DPP6: variants seen among roughly 807,000 people sequenced by gnomAD.
The protein encoded by DPP6 is A-type potassium channel modulatory protein DPP6.
A neutral mutation model predicts 122.6 loss-of-function variants in DPP6; 69 were observed. That is an observed-to-expected ratio of 0.56 (90% CI 0.46 to 0.69). The LOEUF (loss-of-function observed/expected upper bound fraction) is 0.69, where lower values mean the gene tolerates loss of function less well. DPP6 is among the 30% of genes least tolerant of loss of function. DPP6 has a pLI of 0.00. For missense variants in DPP6, 928 were observed against 1,116.9 expected, an observed-to-expected ratio of 0.83 and a Z score of 2.41; for synonymous variants, 418 against 433.1, an observed-to-expected ratio of 0.97 and a Z score of 0.43.
intron 1 of DPP6, among the ~76,000 whole-genome samples, chr7:154,011,074 C>G (rs1216679113): frequency 1.3e-5 from 2 of 152,164 alleles, no homozygotes; most frequent in Non-Finnish European, 2.9e-5. Context: ...CATAATACCC[C>G]TATCCCTCTC....
chr7:154,799,969 T>C (rs1458160576), intron 12 of DPP6, among the ~76,000 whole-genome samples: 1 of 152,210 alleles, frequency 6.6e-6, no homozygotes, highest in Non-Finnish European at 1.5e-5. Context: ...GTGGAGGCCT[T>C]CTTATTATAA....
chr7:154,664,371 C>T (rs1838007799), intron 6 of DPP6, among the ~76,000 whole-genome samples: 2 of 152,236 alleles, frequency 1.3e-5, no homozygotes. Flanking sequence ...TAATCCCCTG[C>T]TGTTTCTGAA....
Position 154,781,178 on chromosome 7 carries a change from GTAGA to G in DPP6, c.1136+8238_1136+8241del, listed in dbSNP as rs575151224. On this transcript the variant is annotated intron_variant, in intron 10 of 25. Coordinates refer to ENST00000377770, the MANE Select transcript of DPP6 (RefSeq NM_130797.4). ...TATGGATGGGTGAGAGGAATGAACA[GTAGA>G]TGGATGGATGGATGGATGGACAGAC... 4.6e-5 allele frequency among the ~76,000 whole-genome samples: 7 copies of G among 152,132 alleles called. No individual in the cohort carries two copies. The South Asian group carries it at 1.5e-3, about 32-fold the overall frequency.
intron 25 of DPP6, 197 bp downstream of exon 25, chr7:154,889,727 T>C (rs1348925372): frequency 1.2e-6 from 1 of 824,072 alleles, no homozygotes; most frequent in East Asian, 2.7e-5. Flanking sequence ...AGCTCCGCTC[T>C]GTACTTCAGC....
chr7:153,864,170 C>A, the DPP6 span, among the ~76,000 whole-genome samples: 1 of 152,192 alleles, frequency 6.6e-6, no homozygotes, highest in South Asian at 2.1e-4. Context: ...CTGTGTTTCA[C>A]AACAACTTCA....
At chr7:154,311,508 AAAAG>A (rs1467562060) in intron 1 of DPP6, among the ~76,000 whole-genome samples, 21 of 151,928 alleles carry the variant, frequency 1.4e-4, no homozygotes, top group African/African-American at 3.4e-4. Flanking sequence ...ACAAAAAAAA[AAAAG>A]AAAAAGAAAA....
At chr7:153,822,479 C>A in the DPP6 span, among the ~76,000 whole-genome samples, 1 of 152,156 alleles carries the variant, frequency 6.6e-6, no homozygotes, top group Non-Finnish European at 1.5e-5. Context: ...GCATGAGCCA[C>A]TGTGCCCGGT....
intron 1 of DPP6, among the ~76,000 whole-genome samples, chr7:154,132,805 G>T (rs1187766092): frequency 1.3e-5 from 2 of 151,996 alleles, no homozygotes; most frequent in Non-Finnish European, 1.5e-5. Flanking sequence ...AAACCACATG[G>T]CACAGCTCCC....
chr7:154,218,396 A>G (rs1800122330), intron 1 of DPP6, among the ~76,000 whole-genome samples: 1 of 152,188 alleles, frequency 6.6e-6, no homozygotes, highest in African/African-American at 2.4e-5. Context: ...ATATTAAATC[A>G]GATTACTTGG....
chr7:154,464,233 A>G (rs1285549443), intron 2 of DPP6, among the ~76,000 whole-genome samples: 1 of 152,142 alleles, frequency 6.6e-6, no homozygotes, highest in Non-Finnish European at 1.5e-5. Flanking sequence ...ACTCTGTGAC[A>G]AAGCAACACT....
intron 8 of DPP6, among the ~76,000 whole-genome samples, chr7:154,740,049 G>A (rs1842746962): frequency 6.6e-6 from 1 of 152,184 alleles, no homozygotes; most frequent in South Asian, 2.1e-4. Context: ...AATCTAAAGG[G>A]AGAATGTTCT....
chr7:154,512,472 GC>G (rs1292898194), intron 3 of DPP6, among the ~76,000 whole-genome samples: 17 of 152,262 alleles, frequency 1.1e-4, no homozygotes, highest in African/African-American at 4.1e-4. Context: ...GACTGTTAAA[GC>G]CCTTTGCTCA....
At chr7:154,219,251 A>G (rs79433757) in intron 1 of DPP6, among the ~76,000 whole-genome samples, 2,300 of 152,320 alleles carry the variant, frequency 0.015, 40 homozygotes, top group African/African-American at 0.052. Flanking sequence ...ATCTAGACTC[A>G]GTAGTGAGTG....
the DPP6 span, among the ~76,000 whole-genome samples, chr7:153,813,909 A>AAT: frequency 2.6e-5 from 4 of 152,014 alleles, no homozygotes; most frequent in African/African-American, 9.7e-5. Flanking sequence ...TTCATTGTAG[A>AAT]TTCTGGATAT....
At chr7:154,536,371 G>A (rs906382478) in intron 3 of DPP6, among the ~76,000 whole-genome samples, 8 of 152,074 alleles carry the variant, frequency 5.3e-5, no homozygotes, top group Non-Finnish European at 1.0e-4. Flanking sequence ...GTTATGTTTT[G>A]TGTTATTTTT....
chr7:154,173,488 G>A (rs867951769), intron 1 of DPP6, among the ~76,000 whole-genome samples: 5 of 152,166 alleles, frequency 3.3e-5, no homozygotes, highest in Middle Eastern at 3.4e-3. Flanking sequence ...TAACAAGGCC[G>A]TGCTCTCCTG....
At chr7:154,045,890 A>G (rs911985350) in intron 1 of DPP6, among the ~76,000 whole-genome samples, 3 of 152,246 alleles carry the variant, frequency 2.0e-5, no homozygotes, top group Admixed American at 6.5e-5. Context: ...AATGGCACAT[A>G]GTCAGTGCTC....
chr7:154,382,715 A>G (rs1168991070), intron 1 of DPP6, among the ~76,000 whole-genome samples: 3 of 152,024 alleles, frequency 2.0e-5, no homozygotes, highest in African/African-American at 4.8e-5. Flanking sequence ...TTGGTGGTAT[A>G]TATTTTAGTA....
At chr7:154,455,107 C>T (rs187815072) in intron 2 of DPP6, among the ~76,000 whole-genome samples, 18 of 152,260 alleles carry the variant, frequency 1.2e-4, no homozygotes, top group African/African-American at 2.9e-4. Context: ...ATGGTTGTGA[C>T]GGCTTCATGC....
Sources: allele counts gnomAD v4.1 joint callset (sites outside exome capture counted in the v4.1 genomes callset), GRCh38; gene constraint gnomAD v4.1.1; transcripts MANE v1.5; gene names NCBI Gene and HGNC (gene_info 2026-07-23, HGNC 2026-07-21).